Variants in PRDM15 observed in about 807,000 individuals in gnomAD.
PRDM15 encodes the protein PR domain zinc finger protein 15.
Under a neutral mutation model 128.6 loss-of-function variants are expected in PRDM15, and 64 were observed. That is an observed-to-expected ratio of 0.50 (90% CI 0.41 to 0.61). The LOEUF (loss-of-function observed/expected upper bound fraction) is 0.61. PRDM15 is among the 20% of genes least tolerant of loss of function. The pLI is 0.00. For missense variants in PRDM15, 1,242 were observed against 1,569.1 expected, an observed-to-expected ratio of 0.79 and a Z score of 3.52; for synonymous variants, 615 against 621.8, an observed-to-expected ratio of 0.99 and a Z score of 0.16.
chr21:41,826,171 A>G, intron 12 of PRDM15, 117 bp from the exon 13 acceptor site: 2 of 762,898 alleles, frequency 2.6e-6, no homozygotes, highest in Non-Finnish European at 4.5e-6. Flanking sequence ...GGCTGCCCAC[A>G]GTGGGGACAG....
At chr21:41,825,939 G>T (rs368823310) in intron 13 of PRDM15, 21 bp downstream of exon 13, 1 of 1,570,282 alleles carries the variant, frequency 6.4e-7, no homozygotes, top group Non-Finnish European at 8.8e-7. Flanking sequence ...CTCAGCGTCC[G>T]ACGTGGACTG....
At chr21:41,808,683 T>C (rs1422754056) in intron 21 of PRDM15, among the ~76,000 whole-genome samples, 2 of 152,264 alleles carry the variant, frequency 1.3e-5, no homozygotes, top group African/African-American at 4.8e-5. Flanking sequence ...GTGAGTATTA[T>C]ATATACACAC....
rs186300857 is a variant in PRDM15, at chr21:41,805,711, T to G, written c.2653-1097A>C. ...GACGCACTCTCTACCGTCACCACCA[T>G]CACCACCATAAGCACCACCACCACC... On this transcript the variant is annotated intron_variant, in intron 21 of 23. Transcript: ENST00000398548. 7.2e-3 allele frequency among the ~76,000 whole-genome samples: 1,095 copies of G among 151,626 alleles called. 10 individuals are homozygous for G. Among genetic ancestry groups the G allele is most frequent in the African/African-American group, 0.024 (1,007 of 41,242 alleles).
intron 21 of PRDM15, among the ~76,000 whole-genome samples, chr21:41,806,412 TCACCAC>T (rs1568882730): frequency 4.9e-4 from 3 of 6,168 alleles, no homozygotes; most frequent in African/African-American, 1.3e-3. Flanking sequence ...ACCACCACCA[TCACCAC>T]CACCACCATC....
At chr21:41,824,215 T>C (rs1468993803) in intron 13 of PRDM15, among the ~76,000 whole-genome samples, 1 of 152,188 alleles carries the variant, frequency 6.6e-6, no homozygotes, top group East Asian at 1.9e-4. Flanking sequence ...AAATGAGTGA[T>C]TCGCTAGGGA....
chr21:41,861,988 G>A (rs370696315), intron 1 of PRDM15: 60 of 1,612,874 alleles, frequency 3.7e-5, no homozygotes, highest in East Asian at 6.7e-5. Flanking sequence ...AGCCGCATTC[G>A]GCCTTGCCTG....
intron 21 of PRDM15, among the ~76,000 whole-genome samples, chr21:41,806,039 C>CCACCATCACCAT (rs1568879958): frequency 5.2e-4 from 15 of 29,098 alleles, no homozygotes; most frequent in Admixed American, 4.4e-3. Context: ...ACCATCACCA[C>CCACCATCACCAT]CACCATCACC....
chr21:41,879,287 A>T lies in PRDM15; in HGVS notation c.-27T>A. 9.3e-7 allele frequency: 1 copy of T among 1,070,886 alleles called. No individual in the cohort carries two copies. The highest frequency in any genetic ancestry group is 1.7e-5 in the African/African-American group (1 of 58,258). 66.3% of individuals were successfully genotyped at this position (1,070,886 alleles called of 1,614,324 possible). A position where few individuals can be genotyped will look rare whatever the true frequency, so the allele number is the denominator to read the frequency against. Reference sequence around the variant, plus strand: ...AGCTTTACCTGCCTTTGGAATGTGCAGAGCGGGATCGGATCCGGACTCCGG... The same window carrying T: ...AGCTTTACCTGCCTTTGGAATGTGCTGAGCGGGATCGGATCCGGACTCCGG... On this transcript the variant is annotated 5_prime_UTR_variant, in exon 1 of 24. Transcript: ENST00000398548. This position sits in a 1 kb window ranked among gnomAD's most constrained non-coding sequence, Gnocchi z 5.1.
At chr21:41,806,426 A>C (rs2061636940) in intron 21 of PRDM15, among the ~76,000 whole-genome samples, 1 of 72,688 alleles carries the variant, frequency 1.4e-5, no homozygotes, top group Non-Finnish European at 2.8e-5. Context: ...CACCACCACC[A>C]TCACCACCAC....
At position 41,835,405 on chromosome 21, in the gene PRDM15, C is replaced by T. The variant is rs375288406; in HGVS notation, c.1366+32G>A. On this transcript the variant is annotated intron_variant, in intron 11 of 23. Coordinates refer to ENST00000398548, the MANE Select transcript of PRDM15 (RefSeq NM_001040424.3). ...CGTATCTAGAATCCGTACCGCACAGCGGCCGAGGGGAGACGTGACCGGCGC... is the reference window on the plus strand; with the variant it reads ...CGTATCTAGAATCCGTACCGCACAGTGGCCGAGGGGAGACGTGACCGGCGC... 2.6e-5 allele frequency: 41 copies of T among 1,572,720 alleles called. No individual in the cohort carries two copies. The Admixed American group carries it at 3.3e-4, about 13-fold the overall frequency.
chr21:41,836,397 G>C, intron 9 of PRDM15, 71 bp downstream of exon 9: 1 of 1,489,230 alleles, frequency 6.7e-7, no homozygotes, highest in Non-Finnish European at 9.2e-7. Context: ...GGGAGACTCC[G>C]TGCTGTCCTC....
chr21:41,855,725 G>A (rs2063560310), intron 4 of PRDM15, among the ~76,000 whole-genome samples: 1 of 152,168 alleles, frequency 6.6e-6, no homozygotes, highest in South Asian at 2.1e-4. Flanking sequence ...CACCAAAATG[G>A]GCACAAAAGA....
chr21:41,873,802 T>C (rs1043588647), intron 1 of PRDM15, among the ~76,000 whole-genome samples: 1 of 152,078 alleles, frequency 6.6e-6, no homozygotes, highest in Non-Finnish European at 1.5e-5. Flanking sequence ...CCCAGCACTT[T>C]GGGGGGCCAA....
Position 41,820,076 on chromosome 21 carries a change from A to C in PRDM15, c.2140+19T>G. 6.2e-7 allele frequency: 1 copy of C among 1,611,346 alleles called. No individual in the cohort carries two copies. Among genetic ancestry groups the C allele is most frequent in the Non-Finnish European group, 8.5e-7 (1 of 1,177,872 alleles). The stretch of plus-strand genomic sequence containing the variant: ...CCCTCCAGCGAGGGCCGGGACCCCA[A>C]ATGCTGACAGACACGCACCTGTGTG... On this transcript the variant is annotated intron_variant, in intron 17 of 23. Transcript: ENST00000398548.
intron 5 of PRDM15, among the ~76,000 whole-genome samples, chr21:41,848,084 C>A (rs1482942383): frequency 6.6e-6 from 1 of 152,202 alleles, no homozygotes; most frequent in Non-Finnish European, 1.5e-5. Context: ...CCCATCACTT[C>A]GACTCTAATC....
intron 1 of PRDM15, among the ~76,000 whole-genome samples, chr21:41,874,544 A>C (rs2064341895): frequency 2.1e-5 from 1 of 48,644 alleles, no homozygotes; most frequent in Non-Finnish European, 5.5e-5. Flanking sequence ...TTTTTTTGAA[A>C]CTTACAAAAG....
At chr21:41,861,786 G>A (rs1420881364) in intron 1 of PRDM15, 1 of 1,605,554 alleles carries the variant, frequency 6.2e-7, no homozygotes, top group Admixed American at 1.7e-5. Flanking sequence ...CTTCAAGTTA[G>A]GAGAGTGAGT....
chr21:41,864,527 A>T (rs1601457004), intron 1 of PRDM15, among the ~76,000 whole-genome samples: 1 of 151,622 alleles, frequency 6.6e-6, no homozygotes, highest in African/African-American at 2.4e-5. Flanking sequence ...CTCTGCCCCC[A>T]CCTCCTACAT....
At chr21:41,878,961 C>T in intron 1 of PRDM15, 3 of 975,548 alleles carry the variant, frequency 3.1e-6, no homozygotes, top group Non-Finnish European at 3.7e-6. Flanking sequence ...GACGGGGGCG[C>T]GGAGCCCGGC....
Sources: allele counts gnomAD v4.1 joint callset (sites outside exome capture counted in the v4.1 genomes callset), GRCh38; gene constraint gnomAD v4.1.1; non-coding constraint Gnocchi (gnomAD v3.1); transcripts MANE v1.5; gene names NCBI Gene and HGNC (gene_info 2026-07-23, HGNC 2026-07-21).